The following TECRL variants were observed in gnomAD, a reference collection of about 807,000 sequenced individuals.
TECRL encodes the protein trans-2,3-enoyl-CoA reductase-like.
In TECRL, 63 loss-of-function variants were observed where a neutral mutation model predicts 52.8. That is an observed-to-expected ratio of 1.19 (90% CI 0.97 to 1.47). The LOEUF (loss-of-function observed/expected upper bound fraction) is 1.47, where lower values mean the gene tolerates loss of function less well. TECRL is among the 40% of genes most tolerant of loss of function. The probability of loss-of-function intolerance (pLI) is 0.00; values close to 1 mark genes in which losing one functional copy is unlikely to be tolerated. For synonymous variants in TECRL, 164 were observed against 141.9 expected (o/e 1.16, Z -1.10); for missense variants, 482 against 429.6 (o/e 1.12, Z -1.08).
chr4:64,351,809 GT>G (rs1486106074), intron 2 of TECRL, among the ~76,000 whole-genome samples: 1 of 152,146 alleles, frequency 6.6e-6, no homozygotes, highest in Non-Finnish European at 1.5e-5. Flanking sequence ...AATGGTATAT[GT>G]TATTTATGGA....
At chr4:64,362,763 C>T (rs1168462194) in intron 2 of TECRL, among the ~76,000 whole-genome samples, 1 of 152,032 alleles carries the variant, frequency 6.6e-6, no homozygotes, top group African/African-American at 2.4e-5. Flanking sequence ...GTACATAGTA[C>T]ATTGACTCTA....
At chr4:64,297,854 A>G (rs1469119605) in intron 8 of TECRL, among the ~76,000 whole-genome samples, 1 of 151,130 alleles carries the variant, frequency 6.6e-6, no homozygotes, top group African/African-American at 2.4e-5. Flanking sequence ...ATATCTTACT[A>G]TCATATATTA....
chr4:64,325,047 G>A (rs1213498025), intron 3 of TECRL, among the ~76,000 whole-genome samples: 1 of 152,136 alleles, frequency 6.6e-6, no homozygotes, highest in East Asian at 1.9e-4. Flanking sequence ...CAGAGACAGA[G>A]GAATTCAGAG....
chr4:64,387,567 A>G (rs774758653), intron 1 of TECRL, among the ~76,000 whole-genome samples: 4 of 152,140 alleles, frequency 2.6e-5, no homozygotes, highest in African/African-American at 7.2e-5. Context: ...TCTTCCCAGC[A>G]TATGATGTCA....
chr4:64,317,251 C>G (rs1011644222), intron 4 of TECRL, among the ~76,000 whole-genome samples: 2 of 151,852 alleles, frequency 1.3e-5, no homozygotes, highest in African/African-American at 4.8e-5. Flanking sequence ...TGCACTCCAG[C>G]CTGGGAGACA....
At chr4:64,335,889 CT>C (rs1719042842) in intron 2 of TECRL, among the ~76,000 whole-genome samples, 1 of 152,138 alleles carries the variant, frequency 6.6e-6, no homozygotes, top group East Asian at 1.9e-4. Flanking sequence ...GTGGATAAGC[CT>C]TTTGATGTGC....
At chr4:64,362,868 G>A (rs1460174299) in intron 2 of TECRL, among the ~76,000 whole-genome samples, 5 of 151,878 alleles carry the variant, frequency 3.3e-5, no homozygotes, top group Non-Finnish European at 7.4e-5. Flanking sequence ...CAATGTAAAT[G>A]GTCTAAATAC....
chr4:64,383,583 C>T (rs1455095097), intron 1 of TECRL, among the ~76,000 whole-genome samples: 5 of 151,782 alleles, frequency 3.3e-5, no homozygotes, highest in Admixed American at 3.3e-4. Context: ...TTGAGTTCTT[C>T]AGTTTAAATC....
At chr4:64,383,233 A>T (rs1722942533) in intron 1 of TECRL, among the ~76,000 whole-genome samples, 1 of 152,134 alleles carries the variant, frequency 6.6e-6, no homozygotes, top group African/African-American at 2.4e-5. Flanking sequence ...TGTGATTACA[A>T]CATGTCTTAA....
chr4:64,383,576 A>C (rs187433967), intron 1 of TECRL, among the ~76,000 whole-genome samples: 1 of 151,574 alleles, frequency 6.6e-6, no homozygotes, highest in Admixed American at 6.6e-5. Flanking sequence ...TAATTAATTG[A>C]GTTCTTCAGT....
Position 64,383,686 on chromosome 4 carries a change from C to T in TECRL, c.235-8463G>A, listed in dbSNP as rs192212513. 7.8e-4 allele frequency among the ~76,000 whole-genome samples: 118 copies of T among 152,046 alleles called. 1 individual carries two copies. Among genetic ancestry groups the T allele is most frequent in the African/African-American group, 2.8e-3 (116 of 41,490 alleles). On this transcript the variant is annotated intron_variant, in intron 1 of 11. Coordinates refer to ENST00000381210, the MANE Select transcript of TECRL (RefSeq NM_001010874.5). The stretch of plus-strand genomic sequence containing the variant: ...GTATTTTTTGTGCTCTTTTATGTCT[C>T]ACTAAGCTTCTTTAATATTATCTTG...
At chr4:64,383,688 C>T (rs1245868453) in intron 1 of TECRL, among the ~76,000 whole-genome samples, 3 of 151,922 alleles carry the variant, frequency 2.0e-5, no homozygotes, top group African/African-American at 7.3e-5. Flanking sequence ...TTATGTCTCA[C>T]TAAGCTTCTT....
At chr4:64,334,988 C>T (rs183895396) in intron 2 of TECRL, among the ~76,000 whole-genome samples, 6 of 152,324 alleles carry the variant, frequency 3.9e-5, no homozygotes, top group Admixed American at 1.3e-4. Flanking sequence ...CCAGAGGACC[C>T]TTTAACTCAG....
intron 6 of TECRL, among the ~76,000 whole-genome samples, chr4:64,305,455 T>C (rs777309836): frequency 4.6e-5 from 7 of 152,062 alleles, no homozygotes; most frequent in Non-Finnish European, 7.4e-5. Context: ...AGGAACCAGG[T>C]AGGGGCTGGT....
intron 5 of TECRL, among the ~76,000 whole-genome samples, chr4:64,314,137 G>A (rs944576249): frequency 8.3e-4 from 126 of 151,326 alleles, no homozygotes; most frequent in African/African-American, 2.9e-3. Context: ...GTGACAGAGC[G>A]AAACTCTGTC....
intron 2 of TECRL, among the ~76,000 whole-genome samples, chr4:64,343,385 A>G (rs1719722737): frequency 6.6e-6 from 1 of 152,118 alleles, no homozygotes; most frequent in South Asian, 2.1e-4. Flanking sequence ...CCATTACCCT[A>G]TTTACCAATT....
At chr4:64,392,986 TC>T in intron 1 of TECRL, among the ~76,000 whole-genome samples, 1 of 151,932 alleles carries the variant, frequency 6.6e-6, no homozygotes, top group Non-Finnish European at 1.5e-5. Context: ...CACTCTACTA[TC>T]CTGCTTAGTA....
chr4:64,287,928 C>T (rs1723163002), intron 9 of TECRL, among the ~76,000 whole-genome samples: 1 of 151,860 alleles, frequency 6.6e-6, no homozygotes, highest in Admixed American at 6.6e-5. Flanking sequence ...AGGCAGATCA[C>T]CTGAGGTCAG....
At chr4:64,281,304 A>G (rs1436575661) in intron 10 of TECRL, among the ~76,000 whole-genome samples, 170 bp downstream of exon 10, 8 of 151,984 alleles carry the variant, frequency 5.3e-5, no homozygotes, top group Admixed American at 5.3e-4. Flanking sequence ...ATTGTTTAAT[A>G]TTTGAAAAAA....
Sources: gnomAD v4.1 joint callset for allele counts (sites outside exome capture counted in the v4.1 genomes callset) on GRCh38, gnomAD v4.1.1 for gene constraint, MANE v1.5 for transcripts, NCBI Gene and HGNC (gene_info 2026-07-23, HGNC 2026-07-21) for gene names.